Variants in GFRA2 observed in about 807,000 individuals in gnomAD.
The protein encoded by GFRA2 is GDNF family receptor alpha-2.
In GFRA2, 17 loss-of-function variants were observed where a neutral mutation model predicts 48.3. The ratio of observed to expected loss-of-function variants is 0.35; its 90% CI spans 0.24 to 0.53. The LOEUF (loss-of-function observed/expected upper bound fraction) is 0.53, where lower values mean the gene tolerates loss of function less well. Ranked by LOEUF, GFRA2 falls within the 20% of genes least tolerant of loss-of-function variation. The pLI, the probability that GFRA2 is intolerant of heterozygous loss-of-function variation, is 0.93. For synonymous variants in GFRA2, 305 were observed against 257.2 expected (o/e 1.19, Z -1.78); for missense variants, 660 against 637.3 (o/e 1.04, Z -0.38).
chr8:21,747,827 T>TAA (rs1805089182), intron 4 of GFRA2, among the ~76,000 whole-genome samples: 1 of 146,112 alleles, frequency 6.8e-6, no homozygotes, highest in African/African-American at 2.5e-5. Context: ...AACATGCACA[T>TAA]GCACACAGGC....
At chr8:21,701,933 GA>G (rs930250749) in intron 7 of GFRA2, among the ~76,000 whole-genome samples, 19 of 152,278 alleles carry the variant, frequency 1.2e-4, no homozygotes, top group African/African-American at 4.1e-4. Flanking sequence ...GGAGTCCTGG[GA>G]AGGTTGCCAG....
At chr8:21,808,757 C>T (rs535393946) in intron 1 of GFRA2, among the ~76,000 whole-genome samples, 1 of 152,360 alleles carries the variant, frequency 6.6e-6, no homozygotes, top group South Asian at 2.1e-4. Context: ...ACGTGGATGG[C>T]CCGCTTCAGG....
rs544920438 is a variant in GFRA2 at position 21,811,126 on chromosome 8, G to A, written c.-148+1105C>T. On this transcript the variant is annotated intron_variant, in intron 1 of 10. Transcript: ENST00000517328. ...GCAGCCTGCAGAGAACAAGGGCCAG[G>A]ACACAGCCGGCATGGGCAGCCACCT... Among the ~76,000 whole-genome samples the A allele has an allele frequency of 4.1e-3, 620 of 152,304 alleles. 2 individuals carry two copies. Among genetic ancestry groups the A allele is most frequent in the African/African-American group, 0.014 (599 of 41,548 alleles).
chr8:21,791,211 A>G (rs1485507852), upstream of GFRA2, among the ~76,000 whole-genome samples: 2 of 152,176 alleles, frequency 1.3e-5, no homozygotes, highest in South Asian at 2.1e-4. Context: ...TATCCAGAAA[A>G]TGGGGCTGAG....
chr8:21,713,051 G>T (rs985711734), intron 4 of GFRA2, among the ~76,000 whole-genome samples: 1 of 132,072 alleles, frequency 7.6e-6, no homozygotes, highest in African/African-American at 3.6e-5. Flanking sequence ...GAGAGGGAGA[G>T]GGAGACGAGG....
At chr8:21,705,867 C>A in intron 5 of GFRA2, 65 bp downstream of exon 5, 1 of 1,116,354 alleles carries the variant, frequency 9.0e-7, no homozygotes, top group Non-Finnish European at 1.3e-6. Context: ...TGGGCTGCGG[C>A]CCCTGCCCTG....
In GFRA2 at chr8:21,788,138, A is replaced by C; in HGVS notation, c.22T>G (p.Cys8Gly). 6.4e-7 allele frequency: 1 copy of C among 1,561,382 alleles called. No homozygotes were observed. The highest frequency in any genetic ancestry group is 8.7e-7 in the Non-Finnish European group (1 of 1,148,244). The stretch of plus-strand genomic sequence containing the variant: ...TACTCACCTAGAAAGAAGAAGAGGC[A>C]GAAGACGTTTGCCAAGATCATGTTA... MILANVF[C>G]LFFFLDETLR... The change falls in exon 1 of 9, where the codon TGC becomes GGC. Residue 8 changes from cysteine (C) to glycine (G), a missense_variant. Transcript: ENST00000524240.
intron 4 of GFRA2, among the ~76,000 whole-genome samples, chr8:21,728,820 C>T (rs1054363362): frequency 2.0e-5 from 3 of 152,202 alleles, no homozygotes; most frequent in African/African-American, 4.8e-5. Context: ...ATAAAGGGTA[C>T]GTATGCACGG....
At chr8:21,703,181 G>C (rs552153150) in intron 6 of GFRA2, among the ~76,000 whole-genome samples, 20 of 152,286 alleles carry the variant, frequency 1.3e-4, no homozygotes, top group African/African-American at 4.6e-4. Context: ...AATATAGCAA[G>C]AGAGAGGTTA....
intron 4 of GFRA2, among the ~76,000 whole-genome samples, chr8:21,709,134 T>TC (rs1269739229): frequency 4.6e-5 from 7 of 152,158 alleles, no homozygotes; most frequent in Non-Finnish European, 8.8e-5. Flanking sequence ...TCCCATCCTC[T>TC]CCCCACCAAA....
chr8:21,808,359 AT>A (rs1807910271), intron 1 of GFRA2, among the ~76,000 whole-genome samples: 1 of 152,070 alleles, frequency 6.6e-6, no homozygotes, highest in Non-Finnish European at 1.5e-5. Context: ...TTGCATAGCA[AT>A]TTTTCTTATC....
intron 2 of GFRA2, among the ~76,000 whole-genome samples, chr8:21,803,125 T>C (rs1807800639): frequency 6.6e-6 from 1 of 152,240 alleles, no homozygotes; most frequent in African/African-American, 2.4e-5. Flanking sequence ...CAATGTACTT[T>C]GGCAGGGGCC....
At chr8:21,795,941 A>T (rs1421256983) in intron 2 of GFRA2, among the ~76,000 whole-genome samples, 1 of 152,206 alleles carries the variant, frequency 6.6e-6, no homozygotes, top group Admixed American at 6.5e-5. Context: ...TGTGTCATCC[A>T]AGACAGACCT....
At chr8:21,694,028 C>G (rs946157597) in intron 8 of GFRA2, among the ~76,000 whole-genome samples, 7 of 116,530 alleles carry the variant, frequency 6.0e-5, no homozygotes, top group Admixed American at 5.3e-4. Flanking sequence ...TTTATATATA[C>G]GTCATATATA....
intron 1 of GFRA2, 38 bp downstream of exon 1, chr8:21,788,082 T>A: frequency 5.8e-6 from 4 of 690,452 alleles, no homozygotes; most frequent in Non-Finnish European, 9.1e-6. Flanking sequence ...CCCCGGCTTC[T>A]CGCCTCCCCC....
intron 8 of GFRA2, among the ~76,000 whole-genome samples, chr8:21,693,721 G>A (rs1371258985): frequency 6.6e-6 from 1 of 151,690 alleles, no homozygotes; most frequent in Admixed American, 6.6e-5. Flanking sequence ...CCAGTGAGGA[G>A]GCAGATGGTA....
chr8:21,809,888 C>T (rs965032983), intron 1 of GFRA2, among the ~76,000 whole-genome samples: 1 of 152,154 alleles, frequency 6.6e-6, no homozygotes, highest in Non-Finnish European at 1.5e-5. Context: ...GCAAATGCAA[C>T]ATCACCCACA....
intron 3 of GFRA2, among the ~76,000 whole-genome samples, chr8:21,754,341 A>C (rs577710673): frequency 2.0e-5 from 3 of 152,288 alleles, no homozygotes; most frequent in Middle Eastern, 3.4e-3. Context: ...TGCTCAAAAA[A>C]TGTTGACTAA....
chr8:21,743,716 C>T (rs1804862024), intron 4 of GFRA2, among the ~76,000 whole-genome samples: 2 of 152,210 alleles, frequency 1.3e-5, no homozygotes. Context: ...TGGCTGGGTT[C>T]CGTGGAACAT....
Sources: allele counts gnomAD v4.1 joint callset (sites outside exome capture counted in the v4.1 genomes callset), GRCh38; gene constraint gnomAD v4.1.1; transcripts MANE v1.5; gene names NCBI Gene and HGNC (gene_info 2026-07-23, HGNC 2026-07-21).